The following FLRT2 variants were observed in gnomAD, a reference collection of about 807,000 sequenced individuals.
FLRT2 encodes leucine-rich repeat transmembrane protein FLRT2.
A neutral mutation model predicts 40.0 loss-of-function variants in FLRT2; 15 were observed. The ratio of observed to expected loss-of-function variants is 0.38; its 90% CI spans 0.25 to 0.58. The LOEUF is 0.58. Among genes scored for constraint, FLRT2 ranks in the 20% least tolerant of loss-of-function variants. The pLI is 0.71. For missense variants in FLRT2, 726 were observed against 840.0 expected (o/e 0.86, Z 1.68); for synonymous variants, 380 against 336.8 (o/e 1.13, Z -1.41).
At chr14:85,600,119 G>T (rs1387763710) in intron 1 of FLRT2, among the ~76,000 whole-genome samples, 1 of 152,188 alleles carries the variant, frequency 6.6e-6, no homozygotes, top group Non-Finnish European at 1.5e-5. Context: ...TGTTGTAAAA[G>T]AAGAATTGAC....
chr14:85,589,237 C>A (rs375488574), intron 1 of FLRT2, among the ~76,000 whole-genome samples: 7 of 152,294 alleles, frequency 4.6e-5, no homozygotes, highest in Admixed American at 2.6e-4. Context: ...CAGCAGGGTA[C>A]AAAAGTTCCC....
At chr14:85,616,684 G>A (rs1893150151) in intron 1 of FLRT2, among the ~76,000 whole-genome samples, 1 of 152,080 alleles carries the variant, frequency 6.6e-6, no homozygotes, top group South Asian at 2.1e-4. Context: ...ATACCTCATG[G>A]GCTAGGGTAG....
intron 1 of FLRT2, among the ~76,000 whole-genome samples, chr14:85,574,623 T>C (rs1891044623): frequency 6.6e-6 from 1 of 151,566 alleles, no homozygotes; most frequent in Non-Finnish European, 1.5e-5. Context: ...AGTGCAGCAT[T>C]CACTTTTATT....
chr14:85,597,800 C>A (rs1892208354), intron 1 of FLRT2, among the ~76,000 whole-genome samples: 1 of 152,176 alleles, frequency 6.6e-6, no homozygotes, highest in South Asian at 2.1e-4. Flanking sequence ...GACACAATTA[C>A]TTCTACTTCT....
chr14:85,635,240 A>G lies in FLRT2; in HGVS notation c.*11743A>G, dbSNP rs989859608. The G allele has an allele frequency of 1.3e-5, 2 of 152,172 alleles. No individual in the cohort carries two copies. The highest frequency in any genetic ancestry group is 4.8e-5 in the African/African-American group (2 of 41,468). The allele number at this position is 152,172 out of a possible 1,614,324, so 9.4% of individuals were successfully genotyped here. On this transcript the variant is annotated 3_prime_UTR_variant, in exon 2 of 2. Coordinates refer to ENST00000330753, the MANE Select transcript of FLRT2 (RefSeq NM_013231.6). ...CTAAGCCTCAGTTTCCTCATATATG[A>G]AATGAGGTACTAATACTTTTAAGGA...
intron 1 of FLRT2, among the ~76,000 whole-genome samples, chr14:85,582,509 C>A (rs1891434232): frequency 6.6e-6 from 1 of 152,066 alleles, no homozygotes; most frequent in African/African-American, 2.4e-5. Flanking sequence ...CATTTATTAG[C>A]ATAGATTTTG....
In FLRT2 at chr14:85,645,077, T is replaced by C. The variant is rs995887186; in HGVS notation, c.*21580T>C. The C allele has an allele frequency of 2.6e-5, 4 of 151,812 alleles. No individual in the cohort carries two copies. The highest frequency in any genetic ancestry group is 7.3e-5 in the African/African-American group (3 of 41,164). The allele number at this position is 151,812 out of a possible 1,614,324, so 9.4% of individuals were successfully genotyped here. ...GAGTAGTAATGCAACTGAACTGTAA[T>C]CATGAGTTTTGATCAACCAACCATA... On this transcript the variant is annotated 3_prime_UTR_variant, in exon 2 of 2. Transcript: ENST00000330753.
chr14:85,607,388 T>C (rs1022452399), intron 1 of FLRT2, among the ~76,000 whole-genome samples: 3 of 152,228 alleles, frequency 2.0e-5, no homozygotes, highest in Non-Finnish European at 4.4e-5. Context: ...TTAGGCGATA[T>C]GACTTTTCTT....
At chr14:85,614,310 T>G (rs1893024935) in intron 1 of FLRT2, among the ~76,000 whole-genome samples, 1 of 152,106 alleles carries the variant, frequency 6.6e-6, no homozygotes, top group Admixed American at 6.6e-5. Flanking sequence ...CTTAGTTACT[T>G]TATATGATTT....
chr14:85,551,138 T>C (rs1161237055), intron 1 of FLRT2, among the ~76,000 whole-genome samples: 2 of 152,258 alleles, frequency 1.3e-5, no homozygotes. Context: ...TTCATTTAGC[T>C]AGTAGCTTAG....
At chr14:85,562,848 A>T (rs539937698) in intron 1 of FLRT2, 1 of 152,176 alleles carries the variant, frequency 6.6e-6, no homozygotes, top group South Asian at 2.1e-4. Flanking sequence ...CAGTGAAACT[A>T]AGCAAAGGGA....
At position 85,579,557 on chromosome 14, in the gene FLRT2, T is replaced by A. The variant is rs367809906; in HGVS notation, c.-376-41582T>A. On this transcript the variant is annotated intron_variant, in intron 1 of 1. Coordinates refer to ENST00000330753, the MANE Select transcript of FLRT2 (RefSeq NM_013231.6). ...TGTCCTCTCTTTTCTAGTATCTCGT[T>A]TTCCAGCCACTTGGAGCAAATTAAT... Among the ~76,000 whole-genome samples the A allele has an allele frequency of 4.3e-4, 65 of 152,296 alleles. 1 individual carries two copies. The East Asian group carries it at 0.012, about 28-fold the overall frequency.
intron 1 of FLRT2, among the ~76,000 whole-genome samples, chr14:85,536,633 C>T (rs1041164578): frequency 1.9e-5 from 2 of 107,566 alleles, no homozygotes; most frequent in African/African-American, 8.9e-5. Flanking sequence ...AGTGAATACT[C>T]ATGGTTTTTT....
At chr14:85,601,132 C>G (rs1268386419) in intron 1 of FLRT2, among the ~76,000 whole-genome samples, 2 of 152,022 alleles carry the variant, frequency 1.3e-5, no homozygotes, top group Non-Finnish European at 2.9e-5. Context: ...GTACAGGAAG[C>G]AGTGAAGATG....
intron 1 of FLRT2, among the ~76,000 whole-genome samples, chr14:85,536,412 G>T (rs551728640): frequency 6.6e-6 from 1 of 152,102 alleles, no homozygotes; most frequent in Non-Finnish European, 1.5e-5. Flanking sequence ...CAAGGGTGCC[G>T]AGCGGCTTTT....
chr14:85,544,660 G>A (rs1370345039), intron 1 of FLRT2, among the ~76,000 whole-genome samples: 2 of 152,138 alleles, frequency 1.3e-5, no homozygotes, highest in South Asian at 2.1e-4. Context: ...TGCACATTGA[G>A]TACAGCACAA....
intron 1 of FLRT2, among the ~76,000 whole-genome samples, chr14:85,558,081 A>G (rs1890086174): frequency 6.6e-6 from 1 of 152,202 alleles, no homozygotes; most frequent in Non-Finnish European, 1.5e-5. Context: ...AGACTTCCGT[A>G]GAAAGCACTG....
At chr14:85,551,943 C>T (rs1173885593) in intron 1 of FLRT2, among the ~76,000 whole-genome samples, 1 of 152,146 alleles carries the variant, frequency 6.6e-6, no homozygotes, top group Non-Finnish European at 1.5e-5. Context: ...AAATGAACTA[C>T]CAAAGGTCAT....
At position 85,653,433 on chromosome 14, in the gene FLRT2, TA is replaced by T. The variant is rs1165247925; in HGVS notation, c.*29940del. 1 of 152,164 alleles carries T rather than the reference TA, an allele frequency of 6.6e-6. No individual in the cohort carries two copies. Among genetic ancestry groups the T allele is most frequent in the Non-Finnish European group, 1.5e-5 (1 of 68,016 alleles). The allele number at this position is 152,164 out of a possible 1,614,324, so 9.4% of individuals were successfully genotyped here. On this transcript the variant is annotated 3_prime_UTR_variant, in exon 2 of 2. Coordinates refer to ENST00000330753, the MANE Select transcript of FLRT2 (RefSeq NM_013231.6). ...TGGATGGATGCTCCATTAAGTCATT[TA>T]AAATAAACTTCCTAGCAAGTGATCT...
Sources: allele counts gnomAD v4.1 joint callset (sites outside exome capture counted in the v4.1 genomes callset), GRCh38; gene constraint gnomAD v4.1.1; transcripts MANE v1.5; gene names NCBI Gene and HGNC (gene_info 2026-07-23, HGNC 2026-07-21).